CSMD1: variants seen among roughly 807,000 people sequenced by gnomAD.
CSMD1 encodes CUB and sushi domain-containing protein 1.
Under a neutral mutation model 417.5 loss-of-function variants are expected in CSMD1, and 213 were observed. That is an observed-to-expected ratio of 0.51 (90% CI 0.46 to 0.57). CSMD1 has a LOEUF of 0.57. Ranked by LOEUF, CSMD1 falls within the 20% of genes least tolerant of loss-of-function variation. CSMD1 has a pLI of 0.00. For synonymous variants in CSMD1, 2,862 were observed against 1,736.8 expected (o/e 1.65, Z -16.11); for missense variants, 6,923 against 4,529.7 (o/e 1.53, Z -15.17).
chr8:3,989,031 A>T (rs2627383), intron 5 of CSMD1, among the ~76,000 whole-genome samples: 1 of 151,968 alleles, frequency 6.6e-6, no homozygotes, highest in Non-Finnish European at 1.5e-5. Context: ...ATTCTATTTC[A>T]AAAAGTTTTT....
chr8:4,392,827 G>A (rs1297399721), intron 3 of CSMD1, among the ~76,000 whole-genome samples: 1 of 151,734 alleles, frequency 6.6e-6, no homozygotes, highest in Non-Finnish European at 1.5e-5. Flanking sequence ...TATTAGCCGG[G>A]TGTGGTGGCA....
intron 10 of CSMD1, among the ~76,000 whole-genome samples, chr8:3,511,105 T>G (rs1325502356): frequency 6.6e-6 from 1 of 151,708 alleles, no homozygotes; most frequent in Non-Finnish European, 1.5e-5. Context: ...CTGGAAACCA[T>G]CACTGTCAGC....
intron 37 of CSMD1, among the ~76,000 whole-genome samples, chr8:3,171,751 A>G (rs1400994037): frequency 1.3e-5 from 2 of 152,216 alleles, no homozygotes; most frequent in African/African-American, 2.4e-5. Flanking sequence ...CAACTTGTCA[A>G]TGAGACAATA....
At chr8:4,518,196 G>T (rs1174026219) in intron 2 of CSMD1, among the ~76,000 whole-genome samples, 1 of 152,102 alleles carries the variant, frequency 6.6e-6, no homozygotes, top group Admixed American at 6.5e-5. Context: ...ATTCATGTGG[G>T]CTGACTCAAT....
chr8:3,700,565 T>C (rs1029080745), intron 7 of CSMD1: 22 of 152,160 alleles, frequency 1.4e-4, no homozygotes, highest in African/African-American at 5.3e-4. Flanking sequence ...AGTACTTGGA[T>C]GGGAGAAGTT....
intron 7 of CSMD1, among the ~76,000 whole-genome samples, chr8:3,644,051 C>T (rs1181044211): frequency 6.6e-6 from 1 of 152,160 alleles, no homozygotes. Context: ...GGAATCAAAG[C>T]TTCCAACTTT....
intron 31 of CSMD1, among the ~76,000 whole-genome samples, 170 bp downstream of exon 31, chr8:3,205,334 T>C (rs1797192945): frequency 6.6e-6 from 1 of 152,192 alleles, no homozygotes; most frequent in African/African-American, 2.4e-5. Flanking sequence ...AAAAGGACTG[T>C]AATGGACATT....
chr8:3,840,587 T>A (rs932687973), intron 5 of CSMD1, among the ~76,000 whole-genome samples: 1 of 152,066 alleles, frequency 6.6e-6, no homozygotes, highest in African/African-American at 2.4e-5. Context: ...AGTTAAAACA[T>A]GTGAGTGTAT....
chr8:3,779,841 G>T (rs934606264), intron 5 of CSMD1, among the ~76,000 whole-genome samples: 1 of 152,180 alleles, frequency 6.6e-6, no homozygotes, highest in Non-Finnish European at 1.5e-5. Flanking sequence ...AGGAAAAATA[G>T]TTGTTTAAGG....
At chr8:4,911,570 A>C (rs1229092277) in intron 1 of CSMD1, among the ~76,000 whole-genome samples, 1 of 152,206 alleles carries the variant, frequency 6.6e-6, no homozygotes. Context: ...CCTGCCCTCT[A>C]CCTGCATCCA....
At chr8:3,354,941 A>ATATCTATCTATAGATATGTC (rs1808680876) in intron 21 of CSMD1, among the ~76,000 whole-genome samples, 1 of 145,914 alleles carries the variant, frequency 6.9e-6, no homozygotes, top group Non-Finnish European at 1.5e-5. Flanking sequence ...ATAGATATAT[A>ATATCTATCTATAGATATGTC]TAGAGAGACA....
At chr8:4,791,086 G>GAAGAGACGGTGAGAAGAGACGGGGAGA (rs150573940) in intron 1 of CSMD1, among the ~76,000 whole-genome samples, 1 of 131,366 alleles carries the variant, frequency 7.6e-6, no homozygotes, top group South Asian at 2.5e-4. Flanking sequence ...GAGACGGTGA[G>GAAGAGACGGTGAGAAGAGACGGGGAGA]AGAGACGGTG....
chr8:3,656,227 G>C (rs892642012), intron 7 of CSMD1, among the ~76,000 whole-genome samples: 1 of 152,166 alleles, frequency 6.6e-6, no homozygotes, highest in Admixed American at 6.5e-5. Flanking sequence ...ACATAACCAT[G>C]TGAGGGACCC....
intron 5 of CSMD1, among the ~76,000 whole-genome samples, chr8:3,981,567 T>G (rs1320227779): frequency 2.0e-5 from 3 of 151,322 alleles, no homozygotes; most frequent in Non-Finnish European, 4.4e-5. Flanking sequence ...CACACCGTGT[T>G]CCATCACATC....
Position 2,959,046 on chromosome 8 carries a change from A to C in CSMD1, c.9703-1239T>G, listed in dbSNP as rs1054854880. Among the ~76,000 whole-genome samples the C allele has an allele frequency of 3.9e-5, 6 of 152,366 alleles. No homozygotes were observed. The East Asian group carries it at 1.2e-3, about 29-fold the overall frequency. ...TAAATGTCAAATCAATAGCTAATTT[A>C]AGATTCAATGATGGGAAAGCGTTGA... is the stretch of plus-strand genomic sequence containing the variant. On this transcript the variant is annotated intron_variant, in intron 62 of 69. Transcript: ENST00000635120.
chr8:3,969,155 G>C (rs943419080), intron 5 of CSMD1, among the ~76,000 whole-genome samples: 2 of 152,108 alleles, frequency 1.3e-5, no homozygotes, highest in Non-Finnish European at 2.9e-5. Context: ...GAGGCTGAGG[G>C]AGGAGAATTG....
intron 2 of CSMD1, among the ~76,000 whole-genome samples, chr8:4,593,560 A>G (rs1800099569): frequency 6.6e-6 from 1 of 152,200 alleles, no homozygotes; most frequent in African/African-American, 2.4e-5. Context: ...CTTAATATTT[A>G]TATATAATCA....
intron 49 of CSMD1, among the ~76,000 whole-genome samples, chr8:3,075,050 T>G (rs115998851): frequency 0.016 from 2,373 of 152,082 alleles, 63 homozygotes; most frequent in African/African-American, 0.054. Context: ...TCCAGCTGTT[T>G]AAAAGCATGT....
intron 3 of CSMD1, among the ~76,000 whole-genome samples, chr8:4,375,551 T>G (rs1051747444): frequency 5.3e-5 from 8 of 152,136 alleles, no homozygotes; most frequent in African/African-American, 1.9e-4. Flanking sequence ...TTAGCCCACT[T>G]CTTACTAACA....
Sources: allele counts gnomAD v4.1 joint callset (sites outside exome capture counted in the v4.1 genomes callset), GRCh38; gene constraint gnomAD v4.1.1; transcripts MANE v1.5; gene names NCBI Gene and HGNC (gene_info 2026-07-23, HGNC 2026-07-21).